GPC6: variants seen among roughly 807,000 people sequenced by gnomAD.
GPC6 encodes glypican-6.
In GPC6, 14 loss-of-function variants were observed where a neutral mutation model predicts 55.2. The ratio of observed to expected loss-of-function variants is 0.25; its 90% CI spans 0.17 to 0.40. The LOEUF (loss-of-function observed/expected upper bound fraction) is 0.40, where lower values mean the gene tolerates loss of function less well. Ranked by LOEUF, GPC6 falls within the 10% of genes least tolerant of loss-of-function variation. The probability of loss-of-function intolerance (pLI) is 1.00; values close to 1 mark genes in which losing one functional copy is unlikely to be tolerated. For missense variants in GPC6, 641 were observed against 708.5 expected, an observed-to-expected ratio of 0.90 and a Z score of 1.08; for synonymous variants, 278 against 259.6, an observed-to-expected ratio of 1.07 and a Z score of -0.68.
chr13:93,732,190 T>C (rs1420602678), intron 2 of GPC6, among the ~76,000 whole-genome samples: 1 of 152,158 alleles, frequency 6.6e-6, no homozygotes, highest in Non-Finnish European at 1.5e-5. Flanking sequence ...CACATGTCCC[T>C]GCAAATTTAT....
chr13:94,013,014 A>G (rs980067365), intron 3 of GPC6, among the ~76,000 whole-genome samples: 9 of 152,188 alleles, frequency 5.9e-5, no homozygotes, highest in Non-Finnish European at 1.2e-4. Flanking sequence ...GAAAATTCAC[A>G]TTTGATTAAA....
At chr13:94,247,755 T>G (rs1891238781) in intron 4 of GPC6, among the ~76,000 whole-genome samples, 1 of 152,154 alleles carries the variant, frequency 6.6e-6, no homozygotes, top group Admixed American at 6.6e-5. Flanking sequence ...AATTTCCTAA[T>G]ACTGTAATGA....
At chr13:94,108,872 T>G (rs866057575) in intron 4 of GPC6, among the ~76,000 whole-genome samples, 84 of 152,066 alleles carry the variant, frequency 5.5e-4, no homozygotes, top group Non-Finnish European at 9.0e-4. Flanking sequence ...AAAAGTTTTT[T>G]TAATAATTTA....
At chr13:94,129,077 T>C (rs940093749) in intron 4 of GPC6, among the ~76,000 whole-genome samples, 3 of 152,198 alleles carry the variant, frequency 2.0e-5, no homozygotes, top group Non-Finnish European at 4.4e-5. Context: ...TGTGAAGTTA[T>C]TAAATTGTGG....
intron 1 of GPC6, among the ~76,000 whole-genome samples, chr13:93,531,110 G>A (rs893337939): frequency 6.6e-6 from 1 of 152,058 alleles, no homozygotes; most frequent in Non-Finnish European, 1.5e-5. Flanking sequence ...GTCATGATGA[G>A]TGCCATTGTA....
chr13:93,829,658 TAGAA>T (rs1311666062), intron 2 of GPC6, among the ~76,000 whole-genome samples: 2 of 152,202 alleles, frequency 1.3e-5, no homozygotes, highest in Non-Finnish European at 2.9e-5. Flanking sequence ...ATATAGAAAC[TAGAA>T]AGAGTCTAAA....
chr13:93,588,968 G>T (rs541084933), intron 2 of GPC6, among the ~76,000 whole-genome samples: 45 of 152,252 alleles, frequency 3.0e-4, no homozygotes, highest in African/African-American at 1.0e-3. Flanking sequence ...GCTACAGGGG[G>T]TTAGGGTGTG....
chr13:94,025,423 T>C (rs1414952356), intron 3 of GPC6: 5 of 151,672 alleles, frequency 3.3e-5, no homozygotes, highest in East Asian at 3.9e-4. Context: ...TTTTTTTTTT[T>C]CTTTTTTTGT....
chr13:93,963,257 A>T (rs1566624785), intron 3 of GPC6, among the ~76,000 whole-genome samples: 2 of 149,816 alleles, frequency 1.3e-5, no homozygotes, highest in African/African-American at 4.9e-5. Flanking sequence ...GATGAGCTTT[A>T]TTTTTTTTTT....
chr13:94,101,931 A>G (rs1001016418), intron 4 of GPC6, among the ~76,000 whole-genome samples: 7 of 152,134 alleles, frequency 4.6e-5, no homozygotes, highest in Admixed American at 2.0e-4. Flanking sequence ...TTCATTTGTT[A>G]ATGCAAAAAC....
chr13:94,177,049 C>A (rs575972780), intron 4 of GPC6, among the ~76,000 whole-genome samples: 1 of 152,092 alleles, frequency 6.6e-6, no homozygotes, highest in Non-Finnish European at 1.5e-5. Context: ...TTATATGTAT[C>A]CTCTTTTTAG....
chr13:93,764,834 C>G (rs1041816840), intron 2 of GPC6, among the ~76,000 whole-genome samples: 3 of 152,146 alleles, frequency 2.0e-5, no homozygotes, highest in East Asian at 3.9e-4. Flanking sequence ...GAGTCTTGCT[C>G]TCTTGCCCAG....
intron 1 of GPC6, among the ~76,000 whole-genome samples, chr13:93,271,790 A>T (rs1208978858): frequency 6.6e-6 from 1 of 152,170 alleles, no homozygotes; most frequent in African/African-American, 2.4e-5. Flanking sequence ...ATTCCAAGTG[A>T]TGTTTTATAA....
chr13:93,700,830 C>A (rs1460200092), intron 2 of GPC6, among the ~76,000 whole-genome samples: 1 of 152,016 alleles, frequency 6.6e-6, no homozygotes, highest in Non-Finnish European at 1.5e-5. Context: ...CTGTGACTAA[C>A]CAGGTCATTT....
intron 1 of GPC6, among the ~76,000 whole-genome samples, chr13:93,321,596 G>A (rs1425591364): frequency 1.3e-5 from 2 of 152,148 alleles, no homozygotes; most frequent in Admixed American, 6.5e-5. Context: ...CAGAGAATTA[G>A]GGTTGAAATG....
intron 6 of GPC6, among the ~76,000 whole-genome samples, chr13:94,351,853 A>T (rs1878557653): frequency 6.6e-6 from 1 of 151,856 alleles, no homozygotes; most frequent in Non-Finnish European, 1.5e-5. Flanking sequence ...TGTCTCAGAG[A>T]CATTCCAGAT....
chr13:93,356,225 A>G (rs928450680), intron 1 of GPC6, among the ~76,000 whole-genome samples: 2 of 152,198 alleles, frequency 1.3e-5, no homozygotes, highest in Non-Finnish European at 2.9e-5. Context: ...GTGAATTCAT[A>G]CAATTAATCT....
chr13:93,961,808 CT>C (rs11410373), intron 3 of GPC6, among the ~76,000 whole-genome samples: 3 of 151,206 alleles, frequency 2.0e-5, no homozygotes, highest in Non-Finnish European at 3.0e-5. Flanking sequence ...TTCTCCCCTC[CT>C]TTTTTTTTAA....
chr13:94,121,464 A>C (rs751249432), intron 4 of GPC6, among the ~76,000 whole-genome samples: 1 of 152,152 alleles, frequency 6.6e-6, no homozygotes, highest in Non-Finnish European at 1.5e-5. Context: ...AAAGTCATTC[A>C]ATAAAAATGT....
Sources: allele counts gnomAD v4.1 joint callset (sites outside exome capture counted in the v4.1 genomes callset), GRCh38; gene constraint gnomAD v4.1.1; transcripts MANE v1.5; gene names NCBI Gene and HGNC (gene_info 2026-07-23, HGNC 2026-07-21).